The following VMP1 variants were observed in gnomAD, a reference collection of about 807,000 sequenced individuals.
VMP1 encodes vacuole membrane protein 1, also known as ectopic P-granules autophagy protein 3 homolog.
VMP1 carries 11 observed loss-of-function variants against 56.0 expected under a neutral mutation model. That is an observed-to-expected ratio of 0.20 (90% CI 0.12 to 0.32). The LOEUF (loss-of-function observed/expected upper bound fraction) is 0.32, where lower values mean the gene tolerates loss of function less well. Ranked by LOEUF, VMP1 falls within the 10% of genes least tolerant of loss-of-function variation. The pLI, the probability that VMP1 is intolerant of heterozygous loss-of-function variation, is 1.00. For missense variants in VMP1, 296 were observed against 490.3 expected (o/e 0.60, Z 3.74); for synonymous variants, 149 against 165.0 (o/e 0.90, Z 0.74).
At chr17:59,807,261 G>A (rs1157340860) in intron 7 of VMP1, among the ~76,000 whole-genome samples, 3 of 149,910 alleles carry the variant, frequency 2.0e-5, no homozygotes, top group East Asian at 4.0e-4. Flanking sequence ...GCAGTGGTGC[G>A]ATTTCAGCTC....
intron 1 of VMP1, among the ~76,000 whole-genome samples, chr17:59,716,983 T>A (rs1001151184): frequency 3.3e-5 from 5 of 152,076 alleles, no homozygotes; most frequent in African/African-American, 9.7e-5. Flanking sequence ...TTTTTATTTT[T>A]TTTTATTTTT....
chr17:59,789,835 CT>C (rs754631557), intron 7 of VMP1, among the ~76,000 whole-genome samples: 265 of 85,952 alleles, frequency 3.1e-3, no homozygotes, highest in African/African-American at 6.4e-3. Context: ...CTTTCTTTCC[CT>C]TTTTTTTTTT....
chr17:59,773,117 A>G (rs1212703259), intron 6 of VMP1, among the ~76,000 whole-genome samples: 1 of 151,730 alleles, frequency 6.6e-6, no homozygotes, highest in East Asian at 2.0e-4. Flanking sequence ...GCGTGCCACC[A>G]CACTCAGCTA....
chr17:59,799,911 T>C (rs2144164772), intron 7 of VMP1, among the ~76,000 whole-genome samples: 1 of 143,544 alleles, frequency 7.0e-6, no homozygotes, highest in South Asian at 2.2e-4. Flanking sequence ...TACAGTGAGC[T>C]GAGATCCTGG....
intron 6 of VMP1, among the ~76,000 whole-genome samples, chr17:59,767,343 C>T (rs964537752): frequency 2.3e-4 from 35 of 152,074 alleles, no homozygotes; most frequent in African/African-American, 8.2e-4. Flanking sequence ...GAAATACCAT[C>T]ATGTTGAATT....
intron 5 of VMP1, among the ~76,000 whole-genome samples, chr17:59,757,783 A>G (rs1598348245): frequency 6.6e-6 from 1 of 151,738 alleles, no homozygotes; most frequent in African/African-American, 2.4e-5. Flanking sequence ...CAAATAACCA[A>G]GCTATCTTGT....
chr17:59,822,239 C>G (rs2038480497), intron 10 of VMP1, among the ~76,000 whole-genome samples: 1 of 151,180 alleles, frequency 6.6e-6, no homozygotes, highest in African/African-American at 2.4e-5. Flanking sequence ...TCCTTTTAGT[C>G]TTTGTCATTA....
In VMP1 at chr17:59,719,080, G is replaced by A. The variant is rs141027387; in HGVS notation, c.-27+11332G>A. Among the ~76,000 whole-genome samples, 1,185 of 152,122 alleles carry A rather than the reference G, an allele frequency of 7.8e-3. 13 individuals are homozygous for A. The highest frequency in any genetic ancestry group is 0.025 in the African/African-American group (1,054 of 41,482). On this transcript the variant is annotated intron_variant, in intron 1 of 11. Coordinates refer to ENST00000262291, the MANE Select transcript of VMP1 (RefSeq NM_030938.5). ...AAGTGGAAAACTATATCAAAGCCTC[G>A]TTTGTCAAGATATATTACTCAGATT...
At chr17:59,722,897 C>A (rs1239357435) in intron 1 of VMP1, among the ~76,000 whole-genome samples, 2 of 152,154 alleles carry the variant, frequency 1.3e-5, no homozygotes, top group African/African-American at 4.8e-5. Context: ...AGATTTGAGT[C>A]TTTAACTCCT....
chr17:59,808,935 A>G lies in VMP1; in HGVS notation c.795+59A>G, dbSNP rs142740586. On this transcript the variant is annotated intron_variant, in intron 8 of 11. Coordinates refer to ENST00000262291, the MANE Select transcript of VMP1 (RefSeq NM_030938.5). The stretch of plus-strand genomic sequence containing the variant: ...AAGTGGTAGTGTTATATTTTGATCC[A>G]TATATACTCCTGAATTAACAAAAGT... 310 of 1,389,424 alleles carry G rather than the reference A, an allele frequency of 2.2e-4. 2 individuals are homozygous for G. The African/African-American group carries it at 3.7e-3, about 17-fold the overall frequency. 86.1% of individuals were successfully genotyped at this position (1,389,424 alleles called of 1,614,324 possible).
intron 5 of VMP1, among the ~76,000 whole-genome samples, chr17:59,754,456 T>C (rs563674526): frequency 6.6e-6 from 1 of 152,332 alleles, no homozygotes; most frequent in Admixed American, 6.5e-5. Flanking sequence ...TAGTAGTTAA[T>C]ACCATAAAGT....
At chr17:59,741,515 CAG>C (rs1302459484) in intron 5 of VMP1, among the ~76,000 whole-genome samples, 3 of 152,060 alleles carry the variant, frequency 2.0e-5, no homozygotes, top group African/African-American at 4.8e-5. Context: ...ACAAATATGA[CAG>C]AAATTTTAGA....
chr17:59,811,887 T>G (rs1344461639), intron 9 of VMP1, 101 bp downstream of exon 9: 1 of 874,012 alleles, frequency 1.1e-6, no homozygotes, highest in Non-Finnish European at 1.8e-6. Context: ...TTCTTTCTGC[T>G]TTTTTGGTTG....
At chr17:59,787,592 C>T (rs752661162) in intron 7 of VMP1, among the ~76,000 whole-genome samples, 1 of 151,926 alleles carries the variant, frequency 6.6e-6, no homozygotes, top group Non-Finnish European at 1.5e-5. Flanking sequence ...GAGGCTGAGG[C>T]GGGTGGATCA....
chr17:59,739,002 G>C, intron 5 of VMP1, 55 bp downstream of exon 5: 2 of 1,349,882 alleles, frequency 1.5e-6, no homozygotes, highest in Non-Finnish European at 2.0e-6. Context: ...CTTTTTATTG[G>C]TGCTTTTATG....
chr17:59,803,406 G>A (rs986817426), intron 7 of VMP1, among the ~76,000 whole-genome samples: 9 of 152,118 alleles, frequency 5.9e-5, no homozygotes, highest in Non-Finnish European at 8.8e-5. Flanking sequence ...TTTCAGAAGC[G>A]TGATTGGTTT....
At chr17:59,739,560 T>G (rs2035140553) in intron 5 of VMP1, among the ~76,000 whole-genome samples, 1 of 150,060 alleles carries the variant, frequency 6.7e-6, no homozygotes, top group Non-Finnish European at 1.5e-5. Flanking sequence ...CTGTCTCTAC[T>G]AAAAATACAA....
At chr17:59,789,256 A>C (rs1056443622) in intron 7 of VMP1, among the ~76,000 whole-genome samples, 2 of 139,802 alleles carry the variant, frequency 1.4e-5, no homozygotes, top group Admixed American at 1.4e-4. Flanking sequence ...AAAAAGATAA[A>C]AGAAAAAAAG....
At chr17:59,820,070 T>G (rs990129834) in intron 10 of VMP1, among the ~76,000 whole-genome samples, 3 of 152,190 alleles carry the variant, frequency 2.0e-5, no homozygotes, top group Non-Finnish European at 4.4e-5. Flanking sequence ...TCTGAGCATA[T>G]CATCACCACT....
Sources: allele counts gnomAD v4.1 joint callset (sites outside exome capture counted in the v4.1 genomes callset), GRCh38; gene constraint gnomAD v4.1.1; transcripts MANE v1.5; gene names NCBI Gene and HGNC (gene_info 2026-07-23, HGNC 2026-07-21).